Variants in KCNIP4 observed in about 807,000 individuals in gnomAD.
KCNIP4 encodes the protein Kv channel-interacting protein 4.
A neutral mutation model predicts 34.0 loss-of-function variants in KCNIP4; 12 were observed. The ratio of observed to expected loss-of-function variants is 0.35; its 90% CI spans 0.23 to 0.57. KCNIP4 has a LOEUF of 0.57. Ranked by LOEUF, KCNIP4 falls within the 20% of genes least tolerant of loss-of-function variation. The pLI is 0.83. For synonymous variants in KCNIP4, 124 were observed against 102.2 expected, an observed-to-expected ratio of 1.21 and a Z score of -1.29; for missense variants, 238 against 311.7, an observed-to-expected ratio of 0.76 and a Z score of 1.78.
intron 1 of KCNIP4, among the ~76,000 whole-genome samples, chr4:21,183,585 A>T (rs1296987466): frequency 6.6e-6 from 1 of 151,370 alleles, no homozygotes; most frequent in Non-Finnish European, 1.5e-5. Flanking sequence ...TTATATTTCC[A>T]CCAAAAGTGT....
At chr4:20,896,209 G>A (rs974692095) in intron 1 of KCNIP4, among the ~76,000 whole-genome samples, 2 of 152,122 alleles carry the variant, frequency 1.3e-5, no homozygotes, top group Middle Eastern at 3.4e-3. Flanking sequence ...CACACCCAAC[G>A]CTAAGAGACA....
At chr4:21,306,764 T>G (rs1712506978) in intron 1 of KCNIP4, among the ~76,000 whole-genome samples, 1 of 152,170 alleles carries the variant, frequency 6.6e-6, no homozygotes, top group South Asian at 2.1e-4. Context: ...AGTCAAGTGC[T>G]TTGTGTTCAC....
At chr4:21,011,537 A>T (rs1739067609) in intron 1 of KCNIP4, among the ~76,000 whole-genome samples, 2 of 152,210 alleles carry the variant, frequency 1.3e-5, no homozygotes, top group Admixed American at 1.3e-4. Context: ...ACTATAAATG[A>T]TTACGTATAA....
chr4:21,681,878 T>A (rs1310640394), intron 1 of KCNIP4, among the ~76,000 whole-genome samples: 4 of 150,008 alleles, frequency 2.7e-5, no homozygotes, highest in Non-Finnish European at 4.4e-5. Context: ...CCACACTTTT[T>A]TTTTTATTTT....
intron 2 of KCNIP4, among the ~76,000 whole-genome samples, chr4:20,874,809 G>A (rs947610246): frequency 2.4e-4 from 37 of 151,898 alleles, no homozygotes; most frequent in African/African-American, 6.5e-4. Flanking sequence ...GCCCATACAC[G>A]TGTAAGAAAC....
intron 1 of KCNIP4, among the ~76,000 whole-genome samples, chr4:21,032,517 T>A (rs2149765993): frequency 6.6e-6 from 1 of 152,262 alleles, no homozygotes; most frequent in South Asian, 2.1e-4. Flanking sequence ...TTCTTGATGT[T>A]ATTCAAGGAA....
At chr4:21,393,985 G>A (rs950620745) in intron 1 of KCNIP4, among the ~76,000 whole-genome samples, 1 of 152,058 alleles carries the variant, frequency 6.6e-6, no homozygotes, top group Non-Finnish European at 1.5e-5. Flanking sequence ...ACCAAGTGTT[G>A]GTTCAATCCC....
intron 1 of KCNIP4, among the ~76,000 whole-genome samples, chr4:21,690,240 TC>T (rs1439928219): frequency 6.6e-6 from 1 of 151,568 alleles, no homozygotes; most frequent in East Asian, 1.9e-4. Flanking sequence ...GCTCCTCAGA[TC>T]TTACCTTCCC....
At chr4:21,501,276 G>GCACACACACACA (rs1180238316) in intron 1 of KCNIP4, among the ~76,000 whole-genome samples, 1 of 121,334 alleles carries the variant, frequency 8.2e-6, no homozygotes, top group African/African-American at 3.5e-5. Context: ...ACACACACAT[G>GCACACACACACA]CCATGTCCTA....
chr4:21,760,664 C>T (rs1717988071), intron 1 of KCNIP4, among the ~76,000 whole-genome samples: 1 of 152,048 alleles, frequency 6.6e-6, no homozygotes, highest in South Asian at 2.1e-4. Flanking sequence ...AAATCAAGTA[C>T]ATAATCAATT....
At chr4:20,864,175 CATGT>C (rs911879371) in intron 2 of KCNIP4, among the ~76,000 whole-genome samples, 3 of 63,830 alleles carry the variant, frequency 4.7e-5, no homozygotes, top group Non-Finnish European at 4.1e-5. Flanking sequence ...TATGTATACA[CATGT>C]ATGTATGCGT....
intron 1 of KCNIP4, among the ~76,000 whole-genome samples, chr4:21,268,246 GTC>G (rs1761936526): frequency 8.5e-6 from 1 of 117,468 alleles, no homozygotes; most frequent in Admixed American, 8.2e-5. Context: ...AAATATTCAA[GTC>G]TCTGTGTATT....
At chr4:21,904,871 T>C (rs1727907470) in intron 1 of KCNIP4, among the ~76,000 whole-genome samples, 1 of 152,126 alleles carries the variant, frequency 6.6e-6, no homozygotes, top group South Asian at 2.1e-4. Context: ...CAATTTATTC[T>C]GGGGAACAAA....
intron 2 of KCNIP4, among the ~76,000 whole-genome samples, chr4:20,880,298 A>G (rs538038135): frequency 6.6e-6 from 1 of 152,222 alleles, no homozygotes; most frequent in South Asian, 2.1e-4. Context: ...ACTTTTGCAA[A>G]CATGATAAAC....
At chr4:21,909,224 C>G (rs1728164891) in intron 1 of KCNIP4, among the ~76,000 whole-genome samples, 1 of 152,124 alleles carries the variant, frequency 6.6e-6, no homozygotes, top group Non-Finnish European at 1.5e-5. Context: ...TCTAAACCCT[C>G]TAAGGGACTG....
chr4:21,790,997 T>TAAAAAAAAAAA (rs1560716928), intron 1 of KCNIP4, among the ~76,000 whole-genome samples: 1 of 115,516 alleles, frequency 8.7e-6, no homozygotes, highest in Admixed American at 9.8e-5. Context: ...AAAAAAAAAG[T>TAAAAAAAAAAA]TATATCTTGG....
At chr4:21,043,657 T>C (rs960671770) in intron 1 of KCNIP4, among the ~76,000 whole-genome samples, 15 of 152,108 alleles carry the variant, frequency 9.9e-5, no homozygotes, top group African/African-American at 3.4e-4. Flanking sequence ...GTTTTTTAGA[T>C]ATGTGATAGA....
chr4:20,929,368 A>G (rs1317125100), intron 1 of KCNIP4, among the ~76,000 whole-genome samples: 1 of 152,032 alleles, frequency 6.6e-6, no homozygotes, highest in Non-Finnish European at 1.5e-5. Context: ...TTATGTATAG[A>G]AAGAAAATTT....
chr4:21,628,899 A>G (rs575087023), intron 1 of KCNIP4, among the ~76,000 whole-genome samples: 10 of 152,360 alleles, frequency 6.6e-5, no homozygotes, highest in African/African-American at 2.4e-4. Context: ...ATCTTATTTA[A>G]AATGGCACAT....
Sources: allele counts gnomAD v4.1 joint callset (sites outside exome capture counted in the v4.1 genomes callset), GRCh38; gene constraint gnomAD v4.1.1; transcripts MANE v1.5; gene names NCBI Gene and HGNC (gene_info 2026-07-23, HGNC 2026-07-21).